Variants in STOX2 observed in about 807,000 individuals in gnomAD.
The protein encoded by STOX2 is storkhead box 2, also known as storkhead-box protein 2.
In STOX2, 28 loss-of-function variants were observed where a neutral mutation model predicts 60.9. The observed-to-expected ratio is 0.46, with a 90% CI of 0.34 to 0.63. The LOEUF (loss-of-function observed/expected upper bound fraction) is 0.63, where lower values mean the gene tolerates loss of function less well. Ranked by LOEUF, STOX2 falls within the 30% of genes least tolerant of loss-of-function variation. The pLI is 0.01. For missense variants in STOX2, 1,024 were observed against 1,187.7 expected, an observed-to-expected ratio of 0.86 and a Z score of 2.03; for synonymous variants, 472 against 463.9, an observed-to-expected ratio of 1.02 and a Z score of -0.22.
At chr4:183,929,984 C>T (rs1003290246) in intron 1 of STOX2, among the ~76,000 whole-genome samples, 1 of 152,032 alleles carries the variant, frequency 6.6e-6, no homozygotes, top group Non-Finnish European at 1.5e-5. Flanking sequence ...CTGCCTCAGC[C>T]TCCCGAGTAG....
intron 1 of STOX2, among the ~76,000 whole-genome samples, chr4:183,977,762 C>T (rs1560915463): frequency 1.3e-5 from 2 of 152,278 alleles, no homozygotes; most frequent in South Asian, 4.1e-4. Flanking sequence ...GAGAAATCAC[C>T]ATACTATTTT....
rs1456903934 is a variant in STOX2 at position 184,022,583 on chromosome 4, G to A, written c.*5299G>A. On this transcript the variant is annotated 3_prime_UTR_variant, in exon 4 of 4. Transcript: ENST00000308497. Reference sequence around the variant, plus strand: ...GAGGGAATGGGGTGTTTCAAGTCAGGCAGCGATGATTCTGGAAGGTTGGAA... The same window carrying A: ...GAGGGAATGGGGTGTTTCAAGTCAGACAGCGATGATTCTGGAAGGTTGGAA... 3 of 152,020 alleles carry A rather than the reference G, an allele frequency of 2.0e-5. No homozygotes were observed. Among genetic ancestry groups the A allele is most frequent in the Non-Finnish European group, 4.4e-5 (3 of 68,050 alleles). The allele number at this position is 152,020 out of a possible 1,614,324, so 9.4% of individuals were successfully genotyped here. A position where few individuals can be genotyped will look rare whatever the true frequency, so the allele number is the denominator to read the frequency against.
chr4:183,863,908 A>G (rs1480264761), intron 1 of STOX2, among the ~76,000 whole-genome samples: 1 of 152,216 alleles, frequency 6.6e-6, no homozygotes, highest in Non-Finnish European at 1.5e-5. Context: ...GAGCTCTGGC[A>G]GTTTGTGGAA....
chr4:183,883,336 T>C (rs553650002), intron 1 of STOX2, among the ~76,000 whole-genome samples: 57 of 152,090 alleles, frequency 3.7e-4, no homozygotes, highest in African/African-American at 1.3e-3. Flanking sequence ...TTTTTTTTTT[T>C]TGAGACAGAG....
intron 1 of STOX2, among the ~76,000 whole-genome samples, chr4:183,861,249 G>T (rs1324023662): frequency 1.3e-5 from 2 of 152,070 alleles, no homozygotes; most frequent in East Asian, 3.9e-4. Flanking sequence ...AGAAGGAGCT[G>T]CCCCCCACCA....
At chr4:183,992,616 A>T (rs1733159624) in intron 1 of STOX2, among the ~76,000 whole-genome samples, 1 of 152,262 alleles carries the variant, frequency 6.6e-6, no homozygotes, top group Admixed American at 6.5e-5. Context: ...GGTGCTTTAC[A>T]GAATTTCAGG....
chr4:183,857,277 C>T (rs201135694), intron 1 of STOX2, among the ~76,000 whole-genome samples: 2,441 of 100,822 alleles, frequency 0.024, 12 homozygotes, highest in East Asian at 0.039. Context: ...CAGGACTGGT[C>T]ATCTTGCAGG....
intron 1 of STOX2, among the ~76,000 whole-genome samples, chr4:183,992,066 C>A (rs1162381677): frequency 6.6e-6 from 1 of 152,114 alleles, no homozygotes; most frequent in Non-Finnish European, 1.5e-5. Context: ...TGATCTGATC[C>A]CCTATCCTTT....
chr4:183,809,017 G>A (rs1010414458), intron 1 of STOX2, among the ~76,000 whole-genome samples: 12 of 152,160 alleles, frequency 7.9e-5, no homozygotes, highest in African/African-American at 2.9e-4. Flanking sequence ...TCATCTGTAC[G>A]CATTGTAAAC....
At chr4:183,863,441 G>A (rs993082140) in intron 1 of STOX2, among the ~76,000 whole-genome samples, 3 of 152,238 alleles carry the variant, frequency 2.0e-5, no homozygotes, top group South Asian at 2.1e-4. Context: ...AGTCTTCTCT[G>A]TGTGAAAGGA....
chr4:184,007,575 G>A (rs1484381001), intron 2 of STOX2, among the ~76,000 whole-genome samples: 1 of 152,210 alleles, frequency 6.6e-6, no homozygotes, highest in Non-Finnish European at 1.5e-5. Flanking sequence ...CAGAGAGGCT[G>A]AGCTGCCTAA....
intron 1 of STOX2, among the ~76,000 whole-genome samples, chr4:183,911,815 A>G (rs1741789431): frequency 6.6e-6 from 1 of 152,210 alleles, no homozygotes; most frequent in Admixed American, 6.5e-5. Context: ...AGTAGGTCCT[A>G]TGCTAACTTT....
chr4:183,963,778 CT>C (rs374409401), intron 1 of STOX2, among the ~76,000 whole-genome samples: 4,668 of 112,070 alleles, frequency 0.042, 225 homozygotes, highest in African/African-American at 0.13. Flanking sequence ...TACTGGCTTT[CT>C]TTTTTTTTTT....
intron 1 of STOX2, among the ~76,000 whole-genome samples, chr4:183,912,250 T>C (rs1344510106): frequency 1.3e-5 from 2 of 152,208 alleles, no homozygotes; most frequent in East Asian, 3.9e-4. Flanking sequence ...GGTTTTGTTA[T>C]TTTAAAATCT....
chr4:183,983,375 C>T (rs1406244922), intron 1 of STOX2, among the ~76,000 whole-genome samples: 1 of 152,204 alleles, frequency 6.6e-6, no homozygotes, highest in Non-Finnish European at 1.5e-5. Context: ...AGGAGCGGTA[C>T]TCATTCATCG....
chr4:183,819,867 TG>T (rs1392419886), intron 1 of STOX2, among the ~76,000 whole-genome samples: 1 of 152,172 alleles, frequency 6.6e-6, no homozygotes. Flanking sequence ...CCGTTGCCTT[TG>T]GAGGAGAAGG....
chr4:183,868,882 C>T (rs748450622), intron 1 of STOX2, among the ~76,000 whole-genome samples: 6 of 152,218 alleles, frequency 3.9e-5, no homozygotes, highest in Non-Finnish European at 8.8e-5. Context: ...GGGTAAGTCA[C>T]TCCCCACTTT....
intron 1 of STOX2, among the ~76,000 whole-genome samples, chr4:183,946,573 T>C (rs1030368304): frequency 3.3e-5 from 5 of 152,094 alleles, no homozygotes; most frequent in African/African-American, 1.2e-4. Context: ...ACATATGGAC[T>C]TTTTTTCTTG....
At position 184,009,626 on chromosome 4, in the gene STOX2, C is replaced by CA; in HGVS notation, c.795dup (p.Phe266IlefsTer11). On this transcript the variant is annotated frameshift_variant, in exon 3 of 4. Coordinates refer to ENST00000308497, the MANE Select transcript of STOX2 (RefSeq NM_020225.3). LOFTEE classifies it high-confidence loss of function. This position sits in a 1 kb window ranked among gnomAD's most constrained non-coding sequence, Gnocchi z 4.0. ...AAACCTAAAGATAGTGAAAAGCAGT[C>CA]AAAAAAATTCGGGCTAAAGTTATTC... The CA allele has an allele frequency of 6.2e-7, 1 of 1,613,712 alleles. No individual in the cohort carries two copies. Among genetic ancestry groups the CA allele is most frequent in the Non-Finnish European group, 8.5e-7 (1 of 1,179,836 alleles).
Sources: gnomAD v4.1 joint callset for allele counts (sites outside exome capture counted in the v4.1 genomes callset) on GRCh38, gnomAD v4.1.1 for gene constraint, Gnocchi (gnomAD v3.1) non-coding constraint, MANE v1.5 for transcripts, NCBI Gene and HGNC (gene_info 2026-07-23, HGNC 2026-07-21) for gene names.